ANKS1B: variants seen among roughly 807,000 people sequenced by gnomAD.
The protein encoded by ANKS1B is ankyrin repeat and sterile alpha motif domain containing 1B.
ANKS1B carries 36 observed loss-of-function variants against 148.3 expected under a neutral mutation model. That is an observed-to-expected ratio of 0.24 (90% confidence interval 0.19 to 0.32). The LOEUF (loss-of-function observed/expected upper bound fraction) is 0.32, where lower values mean the gene tolerates loss of function less well. ANKS1B is among the 10% of genes least tolerant of loss of function. The pLI is 1.00. For synonymous variants in ANKS1B, 542 were observed against 560.8 expected (o/e 0.97, Z 0.47); for missense variants, 1,157 against 1,542.6 (o/e 0.75, Z 4.19).
At chr12:99,561,775 T>C (rs2097338859) in intron 9 of ANKS1B, among the ~76,000 whole-genome samples, 1 of 152,208 alleles carries the variant, frequency 6.6e-6, no homozygotes, top group Non-Finnish European at 1.5e-5. Context: ...CTCAATGTCA[T>C]CCATGAGGGT....
At chr12:99,797,622 A>G (rs898528951) in intron 4 of ANKS1B, among the ~76,000 whole-genome samples, 1 of 151,926 alleles carries the variant, frequency 6.6e-6, no homozygotes, top group Non-Finnish European at 1.5e-5. Flanking sequence ...TTATCCAGTA[A>G]CCACACATAA....
At chr12:99,975,368 A>G (rs1442908728) in intron 1 of ANKS1B, among the ~76,000 whole-genome samples, 1 of 152,228 alleles carries the variant, frequency 6.6e-6, no homozygotes, top group Non-Finnish European at 1.5e-5. Flanking sequence ...AGGTCCCACA[A>G]ACACTTTTTG....
intron 4 of ANKS1B, 99 bp from the exon 5 acceptor site, chr12:99,782,196 G>T: frequency 2.1e-6 from 2 of 972,836 alleles, no homozygotes; most frequent in Non-Finnish European, 1.5e-6. Flanking sequence ...ATACATATTT[G>T]CTGTAATCTC....
chr12:98,948,553 C>T (rs1052518967), intron 17 of ANKS1B, among the ~76,000 whole-genome samples: 1 of 152,064 alleles, frequency 6.6e-6, no homozygotes, highest in African/African-American at 2.4e-5. Context: ...TCTTTTAAGT[C>T]CTAGCACTTT....
chr12:99,029,755 A>C (rs1034762748), intron 17 of ANKS1B, among the ~76,000 whole-genome samples: 3 of 152,234 alleles, frequency 2.0e-5, no homozygotes, highest in African/African-American at 2.4e-5. Flanking sequence ...AAGAAGATTG[A>C]CTGAAGGCAT....
intron 17 of ANKS1B, among the ~76,000 whole-genome samples, chr12:99,022,886 A>C (rs550958102): frequency 7.9e-5 from 12 of 152,192 alleles, no homozygotes; most frequent in Admixed American, 6.5e-4. Flanking sequence ...TTAGGCTAAG[A>C]AATTTTCCTT....
chr12:99,532,528 T>C (rs548320535), intron 9 of ANKS1B, among the ~76,000 whole-genome samples: 74 of 152,112 alleles, frequency 4.9e-4, no homozygotes, highest in Non-Finnish European at 9.9e-4. Context: ...ACCTGGCTAA[T>C]TTTTTGCATT....
intron 25 of ANKS1B, among the ~76,000 whole-genome samples, chr12:98,761,030 A>G (rs2098394161): frequency 6.6e-6 from 1 of 152,172 alleles, no homozygotes; most frequent in South Asian, 2.1e-4. Flanking sequence ...TACCCCTTAC[A>G]ACACCTTACA....
intron 14 of ANKS1B, among the ~76,000 whole-genome samples, chr12:99,200,189 G>A (rs1157204503): frequency 6.6e-6 from 1 of 152,208 alleles, no homozygotes; most frequent in Non-Finnish European, 1.5e-5. Flanking sequence ...TTGCATTCTA[G>A]TTTAGTTCAG....
At chr12:99,157,463 G>A (rs535606361) in intron 14 of ANKS1B, among the ~76,000 whole-genome samples, 11 of 152,284 alleles carry the variant, frequency 7.2e-5, no homozygotes, top group South Asian at 2.1e-4. Context: ...GGCAGAGCAC[G>A]ATACACATCC....
chr12:99,186,323 T>C (rs1224103839), intron 14 of ANKS1B, among the ~76,000 whole-genome samples: 3 of 152,246 alleles, frequency 2.0e-5, no homozygotes, highest in Admixed American at 6.5e-5. Context: ...TCAGCAGACA[T>C]AAATGTTCCT....
intron 12 of ANKS1B, among the ~76,000 whole-genome samples, chr12:99,253,732 T>C (rs766656286): frequency 2.6e-5 from 4 of 152,178 alleles, no homozygotes; most frequent in Non-Finnish European, 5.9e-5. Context: ...AAATACTTAT[T>C]AATTAGAAAG....
At chr12:99,826,501 A>G (rs2083203832) in intron 1 of ANKS1B, among the ~76,000 whole-genome samples, 1 of 152,210 alleles carries the variant, frequency 6.6e-6, no homozygotes, top group Non-Finnish European at 1.5e-5. Context: ...AGAAGGTGGG[A>G]AACTGGAAGC....
At chr12:99,185,251 A>G (rs1318312622) in intron 14 of ANKS1B, among the ~76,000 whole-genome samples, 1 of 152,238 alleles carries the variant, frequency 6.6e-6, no homozygotes, top group African/African-American at 2.4e-5. Flanking sequence ...GAGCTCAAAA[A>G]TTATGTATGA....
chr12:99,415,906 A>C, intron 11 of ANKS1B, among the ~76,000 whole-genome samples: 1 of 152,018 alleles, frequency 6.6e-6, no homozygotes, highest in East Asian at 1.9e-4. Context: ...GATGGTCTCA[A>C]TCTCCTGACC....
chr12:99,347,741 C>T lies in ANKS1B; in HGVS notation c.1756+51890G>A, dbSNP rs76674340. Among the ~76,000 whole-genome samples the T allele has an allele frequency of 7.4e-3, 1,119 of 151,888 alleles. 13 individuals are homozygous for T. Among genetic ancestry groups the T allele is most frequent in the African/African-American group, 0.025 (1,043 of 41,440 alleles). The stretch of plus-strand genomic sequence containing the variant: ...ACAAAAACTTGGGGACAAGAAGAAT[C>T]GGATTTCCAGTTACTATAATATTTA... On this transcript the variant is annotated intron_variant, in intron 12 of 26. Transcript: ENST00000683438.
chr12:99,908,459 T>C (rs1208260620), intron 1 of ANKS1B, among the ~76,000 whole-genome samples: 3 of 152,052 alleles, frequency 2.0e-5, no homozygotes, highest in Non-Finnish European at 2.9e-5. Flanking sequence ...GTGCACCCAT[T>C]GTCCCAGCTA....
At chr12:99,901,884 G>A (rs578024203) in intron 1 of ANKS1B, among the ~76,000 whole-genome samples, 10 of 152,194 alleles carry the variant, frequency 6.6e-5, no homozygotes, top group African/African-American at 2.2e-4. Context: ...TTATTTAACT[G>A]CTCTAAGCCT....
intron 17 of ANKS1B, among the ~76,000 whole-genome samples, chr12:98,975,968 A>G (rs2099894820): frequency 6.6e-6 from 1 of 152,236 alleles, no homozygotes; most frequent in Admixed American, 6.5e-5. Flanking sequence ...ATCTACCCCA[A>G]TTCCAAAGCA....
Sources: gnomAD v4.1 joint callset for allele counts (sites outside exome capture counted in the v4.1 genomes callset) on GRCh38, gnomAD v4.1.1 for gene constraint, MANE v1.5 for transcripts, NCBI Gene and HGNC (gene_info 2026-07-23, HGNC 2026-07-21) for gene names.